The following MCM9 variants were observed in gnomAD, a reference collection of about 807,000 sequenced individuals.
The protein encoded by MCM9 is DNA helicase MCM9.
MCM9 carries 55 observed loss-of-function variants against 72.8 expected under a neutral mutation model. That is an observed-to-expected ratio of 0.76 (90% confidence interval 0.61 to 0.95). MCM9 has a LOEUF of 0.95. MCM9 is among the 40% of genes least tolerant of loss of function. The pLI, the probability that MCM9 is intolerant of heterozygous loss-of-function variation, is 0.00. For synonymous variants in MCM9, 480 were observed against 503.4 expected, an observed-to-expected ratio of 0.95 and a Z score of 0.62; for missense variants, 1,279 against 1,377.0, an observed-to-expected ratio of 0.93 and a Z score of 1.13.
chr6:118,911,301 A>G (rs1780527300), intron 8 of MCM9: 1 of 1,017,632 alleles, frequency 9.8e-7, no homozygotes, highest in East Asian at 9.3e-5. Flanking sequence ...CCATCTATCT[A>G]CTTGGTAAAG....
At chr6:118,916,866 A>G (rs184622570) in intron 6 of MCM9, among the ~76,000 whole-genome samples, 2 of 152,298 alleles carry the variant, frequency 1.3e-5, no homozygotes, top group Non-Finnish European at 2.9e-5. Flanking sequence ...TAAAGTAATC[A>G]ATATCTCTTA....
intron 8 of MCM9, among the ~76,000 whole-genome samples, chr6:118,898,237 A>C (rs1016612629): frequency 6.6e-6 from 1 of 152,200 alleles, no homozygotes; most frequent in Admixed American, 6.5e-5. Flanking sequence ...TTGAGGTTTA[A>C]ACAATAGGTA....
chr6:118,919,960 GT>G (rs1694235740), intron 5 of MCM9: 1 of 152,102 alleles, frequency 6.6e-6, no homozygotes, highest in Non-Finnish European at 1.5e-5. Flanking sequence ...TCCCACAGAG[GT>G]TTATAGCTAA....
intron 11 of MCM9, 61 bp downstream of exon 11, chr6:118,827,866 G>T (rs1358845982): frequency 4.8e-6 from 7 of 1,469,762 alleles, no homozygotes; most frequent in Non-Finnish European, 5.6e-6. Context: ...ATGGTGCCAA[G>T]CCCCATGCCT....
chr6:118,815,449 T>G lies in MCM9; in HGVS notation c.2807A>C (p.Glu936Ala), dbSNP rs1392640135. The change falls in exon 14 of 14, where the codon GAA becomes GCA. Residue 936 changes from glutamate (E) to alanine (A), a missense_variant. Transcript: ENST00000619706. Reference sequence around the variant, plus strand: ...ACCAGGTGACACATGGCTGTGATCTTCAAAGGAGTGGATCAGTTTTGACTT... The same window carrying G: ...ACCAGGTGACACATGGCTGTGATCTGCAAAGGAGTGGATCAGTTTTGACTT... ...KQKSKLIHSF[E>A]DHSHVSPGAT... is the part of the protein sequence containing the mutation. 1 of 1,550,362 alleles carries G rather than the reference T, an allele frequency of 6.5e-7. No homozygotes were observed.
At chr6:118,879,095 A>G (rs1778121526) in intron 8 of MCM9, among the ~76,000 whole-genome samples, 1 of 152,184 alleles carries the variant, frequency 6.6e-6, no homozygotes, top group Non-Finnish European at 1.5e-5. Flanking sequence ...AAAAGAAGGC[A>G]GAAATGGAGG....
chr6:118,926,781 T>C (rs1781931076), intron 3 of MCM9, among the ~76,000 whole-genome samples: 1 of 152,174 alleles, frequency 6.6e-6, no homozygotes. Flanking sequence ...TCGATTATCT[T>C]GGGCATACAG....
In MCM9 at chr6:118,925,380, G is replaced by C. The variant is rs531897926; in HGVS notation, c.305-1253C>G. On this transcript the variant is annotated intron_variant, in intron 3 of 13. Coordinates refer to ENST00000619706, the MANE Select transcript of MCM9 (RefSeq NM_017696.3). ...CATAATAGGAATCATTATACCTTAA[G>C]TTTCTATGGTCAGCATATTTTCTCC... 4.6e-5 allele frequency among the ~76,000 whole-genome samples: 7 copies of C among 152,226 alleles called. No homozygotes were observed. The South Asian group carries it at 1.5e-3, about 32-fold the overall frequency.
At chr6:118,862,007 G>A (rs1213511059) in intron 8 of MCM9, among the ~76,000 whole-genome samples, 3 of 152,226 alleles carry the variant, frequency 2.0e-5, no homozygotes, top group Non-Finnish European at 4.4e-5. Flanking sequence ...CCCTGAGCTT[G>A]TCAGCACCCA....
intron 8 of MCM9, among the ~76,000 whole-genome samples, chr6:118,891,852 C>T (rs969598462): frequency 6.6e-6 from 1 of 152,130 alleles, no homozygotes; most frequent in African/African-American, 2.4e-5. Flanking sequence ...CCCAAGTAAC[C>T]CATAGTGAGA....
intron 13 of MCM9, among the ~76,000 whole-genome samples, chr6:118,820,122 T>C (rs548099543): frequency 4.5e-4 from 68 of 152,328 alleles, no homozygotes; most frequent in African/African-American, 1.6e-3. Context: ...TCTATCTCCT[T>C]CAGTTCTGCT....
chr6:118,868,261 C>T (rs1777354537), intron 8 of MCM9, among the ~76,000 whole-genome samples: 1 of 151,992 alleles, frequency 6.6e-6, no homozygotes, highest in African/African-American at 2.4e-5. Flanking sequence ...TATAAAAAGA[C>T]AAAGTATGAC....
rs779311532 is a variant in MCM9, at chr6:118,931,617, G to A, written c.107C>T (p.Ala36Val). ...GGCATTAACCACAACTGGGTAATGA[G>A]CATCTTCATCCCTTTCCTTCAAGAT... is the stretch of plus-strand genomic sequence containing the variant. ...LLILKERDED[A>V]HYPVVVNAMT... The change falls in exon 3 of 14, where the codon GCT (alanine) becomes GTT (valine). Residue 36 changes from alanine (A) to valine (V), a missense_variant. By Grantham distance (64) the Ala-to-Val change is moderately conservative. Transcript: ENST00000619706. The A allele has an allele frequency of 3.1e-6, 5 of 1,613,944 alleles. No homozygotes were observed. Among genetic ancestry groups the A allele is most frequent in the African/African-American group, 1.3e-5 (1 of 74,898 alleles).
At position 118,843,655 on chromosome 6, in the gene MCM9, T is replaced by TACACACAC. The variant is rs1491542240; in HGVS notation, c.1325+12715_1325+12716insGTGTGTGT. Among the ~76,000 whole-genome samples, 222 of 38,346 alleles carry TACACACAC rather than the reference T, an allele frequency of 5.8e-3. 1 individual carries two copies. Among genetic ancestry groups the TACACACAC allele is most frequent in the African/African-American group, 0.022 (215 of 9,900 alleles). The allele number at this position is 38,346 out of a possible 152,430, so 25.2% of individuals were successfully genotyped here. A position where few individuals can be genotyped will look rare whatever the true frequency, so the allele number is the denominator to read the frequency against. Reference sequence around the variant, plus strand: ...ACAAAACAAAACATATATATATATATGTGTATATATATATGTATGTATATA... The same window carrying TACACACAC: ...ACAAAACAAAACATATATATATATATACACACACGTGTATATATATATGTATGTATATA... On this transcript the variant is annotated intron_variant, in intron 9 of 13. Transcript: ENST00000619706.
intron 3 of MCM9, among the ~76,000 whole-genome samples, chr6:118,928,873 C>A (rs1225583951): frequency 2.0e-5 from 3 of 151,304 alleles, no homozygotes; most frequent in African/African-American, 7.3e-5. Context: ...AAAAAGAATT[C>A]ATACATGTAA....
chr6:118,894,875 A>G (rs1024088130), intron 8 of MCM9, among the ~76,000 whole-genome samples: 1 of 151,340 alleles, frequency 6.6e-6, no homozygotes, highest in African/African-American at 2.4e-5. Context: ...AGCCTCCGCG[A>G]CCCTCCGGGC....
intron 8 of MCM9, chr6:118,894,522 G>A (rs1779207289): frequency 1.3e-6 from 2 of 1,536,632 alleles, no homozygotes; most frequent in Non-Finnish European, 1.7e-6. Flanking sequence ...CCTGTCTGAA[G>A]GTGAGTGCGG....
chr6:118,842,521 C>A (rs1024892936), intron 9 of MCM9, among the ~76,000 whole-genome samples: 1 of 152,082 alleles, frequency 6.6e-6, no homozygotes, highest in Non-Finnish European at 1.5e-5. Context: ...AATACTGACA[C>A]CCTTTCTGCC....
At chr6:118,906,232 C>T (rs1295761902) in intron 8 of MCM9, among the ~76,000 whole-genome samples, 1 of 152,040 alleles carries the variant, frequency 6.6e-6, no homozygotes, top group Non-Finnish European at 1.5e-5. Context: ...ACCAACACGC[C>T]CAGATAATTT....
Sources: allele counts gnomAD v4.1 joint callset (sites outside exome capture counted in the v4.1 genomes callset), GRCh38; gene constraint gnomAD v4.1.1; transcripts MANE v1.5; gene names NCBI Gene and HGNC (gene_info 2026-07-23, HGNC 2026-07-21).